The following SPTBN1 variants were observed in gnomAD, a reference collection of about 807,000 sequenced individuals.
SPTBN1 encodes spectrin beta chain, non-erythrocytic 1.
Under a neutral mutation model 266.4 loss-of-function variants are expected in SPTBN1, and 32 were observed. The ratio of observed to expected loss-of-function variants is 0.12; its 90% CI spans 0.09 to 0.16. The LOEUF is 0.16. Ranked by LOEUF, SPTBN1 falls within the 10% of genes least tolerant of loss-of-function variation. The probability of loss-of-function intolerance (pLI) is 1.00; values close to 1 mark genes in which losing one functional copy is unlikely to be tolerated. For synonymous variants in SPTBN1, 1,336 were observed against 1,162.2 expected, an observed-to-expected ratio of 1.15 and a Z score of -3.04; for missense variants, 2,296 against 3,067.1, an observed-to-expected ratio of 0.75 and a Z score of 5.94.
chr2:54,523,975 A>G (rs4671949), intron 1 of SPTBN1, among the ~76,000 whole-genome samples: 122,079 of 152,228 alleles, frequency 0.8, 49,518 homozygotes, highest in African/African-American at 0.94. Flanking sequence ...CAAGGTGGGC[A>G]GATCACAAGG....
chr2:54,531,771 A>G (rs1671256060), intron 2 of SPTBN1, among the ~76,000 whole-genome samples: 1 of 151,626 alleles, frequency 6.6e-6, no homozygotes, highest in South Asian at 2.1e-4. Context: ...TATCTGCGTC[A>G]CTCATCGCCA....
At chr2:54,555,613 C>G (rs545284672) in intron 2 of SPTBN1, among the ~76,000 whole-genome samples, 1 of 152,304 alleles carries the variant, frequency 6.6e-6, no homozygotes, top group African/African-American at 2.4e-5. Context: ...GATTAATCAT[C>G]TCTAGAGTCC....
In SPTBN1 at chr2:54,558,804, T is replaced by G; in HGVS notation, c.148+32238T>G. Reference sequence around the variant, plus strand: ...ATGGAATTGCAGAGGACGTCTAGTATCTCCGGGCCGCTGTCGCCGGCGTAC... The same window carrying G: ...ATGGAATTGCAGAGGACGTCTAGTAGCTCCGGGCCGCTGTCGCCGGCGTAC... On this transcript the variant is annotated intron_variant, in intron 2 of 35. Transcript: ENST00000356805. The surrounding 1 kb of genome is among the most constrained non-coding windows in gnomAD (Gnocchi z 4.6). 1 of 1,613,710 alleles carries G rather than the reference T, an allele frequency of 6.2e-7. No individual in the cohort carries two copies. The highest frequency in any genetic ancestry group is 8.5e-7 in the Non-Finnish European group (1 of 1,179,780).
intron 2 of SPTBN1, among the ~76,000 whole-genome samples, chr2:54,584,170 A>G (rs1277967874): frequency 1.3e-5 from 2 of 152,168 alleles, no homozygotes; most frequent in Non-Finnish European, 2.9e-5. Context: ...ATTCAGTAAT[A>G]TTATATGGCC....
intron 2 of SPTBN1, among the ~76,000 whole-genome samples, chr2:54,595,265 T>G (rs1484561257): frequency 1.3e-5 from 2 of 152,180 alleles, no homozygotes; most frequent in African/African-American, 4.8e-5. Context: ...TGGGCAGTCT[T>G]TAGATGAGTC....
At chr2:54,662,093 T>C (rs1280482675) in intron 32 of SPTBN1, 2 of 985,352 alleles carry the variant, frequency 2.0e-6, no homozygotes, top group African/African-American at 3.5e-5. Flanking sequence ...GTTCACCTCC[T>C]GATTTAAGTA....
At chr2:54,602,581 G>A (rs1287504734) in intron 3 of SPTBN1, among the ~76,000 whole-genome samples, 1 of 152,130 alleles carries the variant, frequency 6.6e-6, no homozygotes, top group African/African-American at 2.4e-5. Flanking sequence ...GATAGAGTGA[G>A]GTTTTCCAAA....
At chr2:54,635,589 A>T (rs1283106037) in intron 17 of SPTBN1, among the ~76,000 whole-genome samples, 1 of 152,250 alleles carries the variant, frequency 6.6e-6, no homozygotes, top group African/African-American at 2.4e-5. Flanking sequence ...TCCCTTAATG[A>T]ATCTTTCCAG....
chr2:54,605,167 C>CT (rs1159573114), intron 3 of SPTBN1, among the ~76,000 whole-genome samples: 1 of 152,192 alleles, frequency 6.6e-6, no homozygotes, highest in Non-Finnish European at 1.5e-5. Flanking sequence ...GTTTAATTCT[C>CT]TATTGTTACC....
chr2:54,509,533 T>G (rs1358155825), intron 1 of SPTBN1, among the ~76,000 whole-genome samples: 1 of 152,200 alleles, frequency 6.6e-6, no homozygotes, highest in Non-Finnish European at 1.5e-5. Context: ...AACAGTAAGG[T>G]CAAGTTGTTG....
chr2:54,558,431 A>G lies in SPTBN1; in HGVS notation c.148+31865A>G, dbSNP rs1673030550. The G allele has an allele frequency of 2.0e-6, 2 of 1,022,502 alleles. No homozygotes were observed. The highest frequency in any genetic ancestry group is 4.3e-5 in the South Asian group (1 of 23,444). The allele number at this position is 1,022,502 out of a possible 1,614,324, so 63.3% of individuals were successfully genotyped here. On this transcript the variant is annotated intron_variant, in intron 2 of 35. Coordinates refer to ENST00000356805, the MANE Select transcript of SPTBN1 (RefSeq NM_003128.3). This position sits in a 1 kb window ranked among gnomAD's most constrained non-coding sequence, Gnocchi z 4.6. ...GCGCCCGCGAGCTCCCGGGCTCGGCAACCGTGGCATGCTTAGGATTGGCCA... is the reference window on the plus strand; with the variant it reads ...GCGCCCGCGAGCTCCCGGGCTCGGCGACCGTGGCATGCTTAGGATTGGCCA...
At chr2:54,607,563 G>A (rs1028836159) in intron 3 of SPTBN1, among the ~76,000 whole-genome samples, 4 of 152,100 alleles carry the variant, frequency 2.6e-5, no homozygotes, top group African/African-American at 4.8e-5. Context: ...CAGAGATTGC[G>A]GTGAGATCGT....
At chr2:54,667,519 T>A in intron 34 of SPTBN1, 85 bp from the exon 35 acceptor site, 1 of 1,343,808 alleles carries the variant, frequency 7.4e-7, no homozygotes, top group Non-Finnish European at 1.1e-6. Flanking sequence ...GTGGTCTACT[T>A]CTGTCCTGCA....
At chr2:54,509,339 A>T (rs1669734816) in intron 1 of SPTBN1, among the ~76,000 whole-genome samples, 5 of 152,212 alleles carry the variant, frequency 3.3e-5, no homozygotes, top group Admixed American at 3.3e-4. Context: ...GACTCAACAA[A>T]GAGTGAGTAC....
At chr2:54,476,589 C>A (rs1667848775) in intron 1 of SPTBN1, among the ~76,000 whole-genome samples, 1 of 152,216 alleles carries the variant, frequency 6.6e-6, no homozygotes, top group Non-Finnish European at 1.5e-5. Flanking sequence ...TACGATGTTT[C>A]CCAAACTTAC....
chr2:54,623,352 A>C (rs1678117232), intron 9 of SPTBN1, 127 bp from the exon 10 acceptor site: 1 of 782,872 alleles, frequency 1.3e-6, no homozygotes, highest in Non-Finnish European at 2.2e-6. Flanking sequence ...CCAATAAGCA[A>C]CCTACTGATG....
chr2:54,485,030 A>G (rs939961136), intron 1 of SPTBN1, among the ~76,000 whole-genome samples: 1 of 152,252 alleles, frequency 6.6e-6, no homozygotes, highest in Admixed American at 6.5e-5. Context: ...CTTATCACAC[A>G]GTGTGTAGAC....
intron 1 of SPTBN1, among the ~76,000 whole-genome samples, chr2:54,487,443 G>T (rs375077517): frequency 5.7e-4 from 86 of 152,126 alleles, no homozygotes; most frequent in Admixed American, 3.5e-3. Context: ...GAGTAATGAT[G>T]ATTCAATAAA....
intron 1 of SPTBN1, among the ~76,000 whole-genome samples, chr2:54,494,646 A>G (rs2104049195): frequency 6.6e-6 from 1 of 152,338 alleles, no homozygotes; most frequent in Admixed American, 6.5e-5. Flanking sequence ...AAGAGTTCTA[A>G]CTGTATGATT....
Sources: allele counts gnomAD v4.1 joint callset (sites outside exome capture counted in the v4.1 genomes callset), GRCh38; gene constraint gnomAD v4.1.1; non-coding constraint Gnocchi (gnomAD v3.1); transcripts MANE v1.5; gene names NCBI Gene and HGNC (gene_info 2026-07-23, HGNC 2026-07-21).